Variants in ROBO2 observed in about 807,000 individuals in gnomAD.
ROBO2 encodes the protein roundabout homolog 2.
In ROBO2, 53 loss-of-function variants were observed where a neutral mutation model predicts 160.8. That is an observed-to-expected ratio of 0.33 (90% CI 0.26 to 0.41). ROBO2 has a LOEUF of 0.41. ROBO2 is among the 10% of genes least tolerant of loss of function. The pLI is 1.00. For missense variants in ROBO2, 1,577 were observed against 1,722.4 expected (o/e 0.92, Z 1.49); for synonymous variants, 664 against 611.7 (o/e 1.09, Z -1.26).
At chr3:76,049,709 A>C (rs1013540693) in intron 2 of ROBO2, among the ~76,000 whole-genome samples, 2 of 151,998 alleles carry the variant, frequency 1.3e-5, no homozygotes, top group African/African-American at 2.4e-5. Flanking sequence ...AATTCATAAG[A>C]GTTATTGTCC....
chr3:76,096,781 T>C (rs1017056155), intron 2 of ROBO2, among the ~76,000 whole-genome samples: 7 of 152,196 alleles, frequency 4.6e-5, no homozygotes, highest in African/African-American at 1.7e-4. Flanking sequence ...TGAAACATAA[T>C]CATTTATACA....
At chr3:77,517,620 T>C (rs2090158006) in intron 5 of ROBO2, among the ~76,000 whole-genome samples, 1 of 151,504 alleles carries the variant, frequency 6.6e-6, no homozygotes, top group Non-Finnish European at 1.5e-5. Flanking sequence ...CCCTTCTGAT[T>C]TGCAGTTTTG....
intron 2 of ROBO2, among the ~76,000 whole-genome samples, chr3:76,177,545 C>T (rs957433608): frequency 6.6e-6 from 1 of 152,154 alleles, no homozygotes; most frequent in African/African-American, 2.4e-5. Flanking sequence ...GCTTGATCAT[C>T]CTGCTGGGTC....
chr3:77,584,304 C>T (rs2093988311), intron 16 of ROBO2, among the ~76,000 whole-genome samples: 1 of 152,120 alleles, frequency 6.6e-6, no homozygotes, highest in South Asian at 2.1e-4. Context: ...AAGCCTCACC[C>T]CTGCAGATTT....
chr3:76,547,898 T>C (rs1427921716), intron 2 of ROBO2, among the ~76,000 whole-genome samples: 3 of 152,158 alleles, frequency 2.0e-5, no homozygotes, highest in Non-Finnish European at 4.4e-5. Flanking sequence ...GCTATGGGGA[T>C]AAGAACTGCA....
chr3:76,845,426 A>G (rs2068687610), intron 2 of ROBO2, among the ~76,000 whole-genome samples: 1 of 152,002 alleles, frequency 6.6e-6, no homozygotes, highest in Non-Finnish European at 1.5e-5. Flanking sequence ...ATTTTTATAT[A>G]AACAATCCCA....
At chr3:76,434,025 A>G (rs1045371842) in intron 2 of ROBO2, 33 of 1,198,556 alleles carry the variant, frequency 2.8e-5, no homozygotes, top group Admixed American at 1.7e-4. Flanking sequence ...ATTATGGCTG[A>G]CATGCAAAAT....
At chr3:77,641,422 C>T (rs1467570252) in intron 24 of ROBO2, among the ~76,000 whole-genome samples, 1 of 152,162 alleles carries the variant, frequency 6.6e-6, no homozygotes, top group Non-Finnish European at 1.5e-5. Context: ...AAAGGAGCGG[C>T]TTAGCTGACT....
At chr3:76,775,015 A>G (rs1371741502) in intron 2 of ROBO2, among the ~76,000 whole-genome samples, 3 of 150,752 alleles carry the variant, frequency 2.0e-5, no homozygotes, top group Non-Finnish European at 4.5e-5. Flanking sequence ...AAATTTATAC[A>G]ACAAATATAA....
chr3:76,990,584 G>A (rs2060609292), intron 2 of ROBO2, among the ~76,000 whole-genome samples: 1 of 152,124 alleles, frequency 6.6e-6, no homozygotes, highest in South Asian at 2.1e-4. Flanking sequence ...GGCTCCCTCT[G>A]GCCCCCCAAC....
chr3:76,332,401 T>C (rs1234412602), intron 2 of ROBO2, among the ~76,000 whole-genome samples: 5 of 152,198 alleles, frequency 3.3e-5, no homozygotes. Context: ...CAATATAATT[T>C]CGTCAAAAAT....
At chr3:77,219,468 G>A (rs1463066219) in intron 2 of ROBO2, among the ~76,000 whole-genome samples, 34 of 122,180 alleles carry the variant, frequency 2.8e-4, no homozygotes, top group South Asian at 5.6e-4. Context: ...ATGTATCTGT[G>A]TATATATATA....
In ROBO2 at chr3:76,333,338, T is replaced by C. The variant is rs1315304155; in HGVS notation, c.109+395736T>C. 4.6e-5 allele frequency among the ~76,000 whole-genome samples: 7 copies of C among 152,302 alleles called. No homozygotes were observed. The South Asian group carries it at 8.3e-4, about 18-fold the overall frequency. Reference sequence around the variant, plus strand: ...CAGTGATTCTTGACTCTCTTTCCCTTCTGCAAGTGTACGCAGCGTAAAGTC... The same window carrying C: ...CAGTGATTCTTGACTCTCTTTCCCTCCTGCAAGTGTACGCAGCGTAAAGTC... On this transcript the variant is annotated intron_variant, in intron 2 of 26. Coordinates refer to the ROBO2 transcript ENST00000487694.
chr3:76,599,509 T>C, intron 2 of ROBO2, among the ~76,000 whole-genome samples: 1 of 152,166 alleles, frequency 6.6e-6, no homozygotes, highest in East Asian at 1.9e-4. Flanking sequence ...GCAATGAACA[T>C]AAGCGTATAT....
chr3:76,999,845 C>CT (rs1420640716), intron 2 of ROBO2, among the ~76,000 whole-genome samples: 1 of 151,950 alleles, frequency 6.6e-6, no homozygotes, highest in Non-Finnish European at 1.5e-5. Flanking sequence ...ACATATATAC[C>CT]TTTGTGTTCT....
intron 2 of ROBO2, among the ~76,000 whole-genome samples, chr3:76,276,616 T>C (rs190564516): frequency 3.3e-5 from 5 of 152,192 alleles, no homozygotes; most frequent in African/African-American, 1.2e-4. Flanking sequence ...TTCTATAATC[T>C]ATTTTTTGTA....
At chr3:77,393,159 TG>T (rs2074919694) in intron 2 of ROBO2, among the ~76,000 whole-genome samples, 1 of 152,230 alleles carries the variant, frequency 6.6e-6, no homozygotes, top group African/African-American at 2.4e-5. Flanking sequence ...CTATTTTCTT[TG>T]TTTATTGATA....
intron 2 of ROBO2, among the ~76,000 whole-genome samples, chr3:76,316,841 G>A (rs1010247318): frequency 8.5e-5 from 13 of 152,092 alleles, no homozygotes; most frequent in East Asian, 3.9e-4. Context: ...TTCCTCGGCC[G>A]CGGCTCCAGC....
chr3:77,123,653 G>C (rs1330155925), intron 2 of ROBO2, among the ~76,000 whole-genome samples: 1 of 151,098 alleles, frequency 6.6e-6, no homozygotes, highest in Non-Finnish European at 1.5e-5. Flanking sequence ...ACAAGAAAAT[G>C]ATAAACGTAG....
Sources: allele counts gnomAD v4.1 joint callset (sites outside exome capture counted in the v4.1 genomes callset), GRCh38; gene constraint gnomAD v4.1.1; transcripts MANE v1.5; gene names NCBI Gene and HGNC (gene_info 2026-07-23, HGNC 2026-07-21).